SPART: variants seen among roughly 807,000 people sequenced by gnomAD.
SPART encodes the protein spastic paraplegia 20 (Troyer syndrome).
In SPART, 35 loss-of-function variants were observed where a neutral mutation model predicts 58.7. The observed-to-expected ratio is 0.60, with a 90% CI of 0.46 to 0.79. The LOEUF (loss-of-function observed/expected upper bound fraction) is 0.79, where lower values mean the gene tolerates loss of function less well. Ranked by LOEUF, SPART falls within the 30% of genes least tolerant of loss-of-function variation. The pLI is 0.00. For synonymous variants in SPART, 284 were observed against 280.7 expected, an observed-to-expected ratio of 1.01 and a Z score of -0.12; for missense variants, 730 against 786.1, an observed-to-expected ratio of 0.93 and a Z score of 0.85.
intron 5 of SPART, among the ~76,000 whole-genome samples, chr13:36,315,282 A>C (rs1403244306): frequency 1.3e-5 from 2 of 152,202 alleles, no homozygotes; most frequent in Non-Finnish European, 2.9e-5. Flanking sequence ...GGAAAAGAAA[A>C]AACATGTAAG....
At chr13:36,316,488 C>A (rs539690436) in intron 5 of SPART, among the ~76,000 whole-genome samples, 1 of 152,276 alleles carries the variant, frequency 6.6e-6, no homozygotes, top group East Asian at 1.9e-4. Context: ...CCACTCCTTG[C>A]CTTAAGTGAT....
intron 1 of SPART, among the ~76,000 whole-genome samples, chr13:36,358,406 A>C (rs1279383037): frequency 1.3e-5 from 2 of 152,214 alleles, no homozygotes; most frequent in Non-Finnish European, 2.9e-5. Flanking sequence ...GTCATGACTA[A>C]TATATGAAGA....
At chr13:36,338,962 C>T (rs1884289095) in intron 1 of SPART, among the ~76,000 whole-genome samples, 1 of 152,076 alleles carries the variant, frequency 6.6e-6, no homozygotes, top group African/African-American at 2.4e-5. Context: ...GTGCTTCACT[C>T]ACACGCACAC....
chr13:36,308,690 C>T (rs1449546809), intron 8 of SPART, among the ~76,000 whole-genome samples: 1 of 149,742 alleles, frequency 6.7e-6, no homozygotes, highest in Non-Finnish European at 1.5e-5. Flanking sequence ...CAAAGCACTT[C>T]CTATTTTCTA....
In SPART at chr13:36,335,645, T is replaced by C. The variant is rs1397178748; in HGVS notation, c.186A>G (p.Lys62=). 1 of 1,614,172 alleles carries C rather than the reference T, an allele frequency of 6.2e-7. No individual in the cohort carries two copies. The highest frequency in any genetic ancestry group is 8.5e-7 in the Non-Finnish European group (1 of 1,180,012). ...HLLRGISISS[K]ESEHTGPGWE... is the part of the protein sequence containing the mutation. ...ACCCAGGACCTGTGTGTTCAGACTC[T>C]TTTGATGAAATGCTGATCCCTCTGA... is the stretch of plus-strand genomic sequence containing the variant. The change falls in exon 2 of 9, where the codon AAA becomes AAG. Residue 62 remains lysine (K), a synonymous_variant. Coordinates refer to ENST00000438666, the MANE Select transcript of SPART (RefSeq NM_015087.5).
chr13:36,365,411 T>C, intron 1 of SPART: 1 of 340,504 alleles, frequency 2.9e-6, no homozygotes, highest in Non-Finnish European at 5.7e-6. Context: ...TATGTTACTA[T>C]GTTATTATTA....
At chr13:36,328,950 C>T (rs9566085) in intron 4 of SPART, among the ~76,000 whole-genome samples, 36,497 of 151,982 alleles carry the variant, frequency 0.24, 4,847 homozygotes, top group East Asian at 0.51. Context: ...ATAAAAATAT[C>T]TTGGCCAGGT....
intron 1 of SPART, among the ~76,000 whole-genome samples, chr13:36,343,593 G>T (rs958811654): frequency 2.0e-5 from 3 of 152,150 alleles, no homozygotes; most frequent in Non-Finnish European, 2.9e-5. Flanking sequence ...TTATTTGGGG[G>T]TTCACAAGCA....
At position 36,335,125 on chromosome 13, in the gene SPART, C is replaced by A. The variant is rs548459670; in HGVS notation, c.706G>T (p.Ala236Ser). The A allele has an allele frequency of 1.1e-5, 17 of 1,614,110 alleles. No individual in the cohort carries two copies. The African/African-American group carries it at 2.0e-4, about 19-fold the overall frequency. ...NGVQIFFVNP[A>S]GEVSAPSYPG... The stretch of plus-strand genomic sequence containing the variant: ...TACGAAGGTGCACTAACCTCCCCTG[C>A]AGGATTTACAAAAAAAATCTGTACT... The change falls in exon 2 of 9, where the codon GCA (alanine) becomes TCA (serine). Residue 236 changes from alanine (A) to serine (S), a missense_variant. Physicochemically the swap from Ala to Ser is moderately conservative, Grantham distance 99 (BLOSUM62 1). Coordinates refer to ENST00000438666, the MANE Select transcript of SPART (RefSeq NM_015087.5).
At position 36,326,704 on chromosome 13, in the gene SPART, C is replaced by G. The variant is rs1882972244; in HGVS notation, c.1165-6G>C. The G allele has an allele frequency of 1.2e-6, 2 of 1,612,142 alleles. No individual in the cohort carries two copies. The highest frequency in any genetic ancestry group is 2.7e-5 in the African/African-American group (2 of 74,766). Reference sequence around the variant, plus strand: ...TCACTTGAAGTATCTTTAGCCTAAACAGTAAAAATGTTTCAAAATGTGAAG... The same window carrying G: ...TCACTTGAAGTATCTTTAGCCTAAAGAGTAAAAATGTTTCAAAATGTGAAG... On this transcript the variant is annotated splice_region_variant and splice_polypyrimidine_tract_variant and intron_variant, in intron 4 of 8. Coordinates refer to ENST00000438666, the MANE Select transcript of SPART (RefSeq NM_015087.5).
At chr13:36,340,204 T>C (rs964169394) in intron 1 of SPART, among the ~76,000 whole-genome samples, 3 of 151,202 alleles carry the variant, frequency 2.0e-5, no homozygotes, top group Admixed American at 6.6e-5. Flanking sequence ...CTACTAAAAA[T>C]ACAAAAATAT....
At chr13:36,359,438 A>G (rs1885751358) in intron 1 of SPART, among the ~76,000 whole-genome samples, 1 of 152,204 alleles carries the variant, frequency 6.6e-6, no homozygotes, top group Non-Finnish European at 1.5e-5. Flanking sequence ...GTAATTTGCC[A>G]AGGCTAGAGA....
rs1431417533 is a variant in SPART at position 36,326,620 on chromosome 13, C to A, written c.1243G>T (p.Glu415Ter). Residue 415 changes from glutamate (E) to a stop codon, truncating the protein, a stop_gained, in exon 5 of 9, where the codon GAA (glutamate) becomes TAA (stop). Coordinates refer to ENST00000438666, the MANE Select transcript of SPART (RefSeq NM_015087.5). LOFTEE classifies it high-confidence loss of function. ...CEPVPEEKPKELPEWSEKVAH... is the reference protein window; with the variant it reads ...CEPVPEEKPK ...ACTTTTTCACTCCATTCAGGTAATTCTTTTGGCTTTTCTTCTGGAACTGGC... is the reference window on the plus strand; with the variant it reads ...ACTTTTTCACTCCATTCAGGTAATTATTTTGGCTTTTCTTCTGGAACTGGC... 1 of 1,613,328 alleles carries A rather than the reference C, an allele frequency of 6.2e-7. No homozygotes were observed. Among genetic ancestry groups the A allele is most frequent in the Non-Finnish European group, 8.5e-7 (1 of 1,179,848 alleles).
intron 5 of SPART, 27 bp downstream of exon 5, chr13:36,326,548 G>T: frequency 6.2e-7 from 1 of 1,611,970 alleles, no homozygotes. Context: ...TGTCATACAG[G>T]GAAAAAAATT....
At chr13:36,345,534 C>T (rs530574414) in intron 1 of SPART, 1 of 152,278 alleles carries the variant, frequency 6.6e-6, no homozygotes, top group South Asian at 2.1e-4. Flanking sequence ...CCTCGAGGAT[C>T]CTCGGTGGAC....
intron 1 of SPART, among the ~76,000 whole-genome samples, chr13:36,361,362 A>G (rs576353324): frequency 9.8e-5 from 15 of 152,300 alleles, no homozygotes; most frequent in Middle Eastern, 3.4e-3. Flanking sequence ...GAACATTAAT[A>G]TAATTTTTTT....
chr13:36,336,067 A>T (rs982468896), intron 1 of SPART, among the ~76,000 whole-genome samples: 1 of 152,344 alleles, frequency 6.6e-6, no homozygotes, highest in Admixed American at 6.5e-5. Flanking sequence ...TTAATTTAAA[A>T]ACATAAGAGA....
In SPART at chr13:36,352,152, A is replaced by G. The variant is rs1322923949; in HGVS notation, c.-2-16320T>C. Among the ~76,000 whole-genome samples the G allele has an allele frequency of 5.3e-5, 8 of 152,184 alleles. 1 individual carries two copies. Among genetic ancestry groups the G allele is most frequent in the Admixed American group, 5.2e-4 (8 of 15,280 alleles). On this transcript the variant is annotated intron_variant, in intron 1 of 8. Transcript: ENST00000355182. Reference sequence around the variant, plus strand: ...GGTAAGGTTTCTGACCTGTGATCTCATTACTTTTTTCTTTCTTGAACTCTA... The same window carrying G: ...GGTAAGGTTTCTGACCTGTGATCTCGTTACTTTTTTCTTTCTTGAACTCTA...
intron 1 of SPART, among the ~76,000 whole-genome samples, chr13:36,337,802 T>C (rs1407369522): frequency 6.6e-6 from 1 of 152,164 alleles, no homozygotes; most frequent in Non-Finnish European, 1.5e-5. Flanking sequence ...AGTGCAACAG[T>C]AGTGATGCTG....
Sources: allele counts gnomAD v4.1 joint callset (sites outside exome capture counted in the v4.1 genomes callset), GRCh38; gene constraint gnomAD v4.1.1; transcripts MANE v1.5; gene names NCBI Gene and HGNC (gene_info 2026-07-23, HGNC 2026-07-21).